TDRD5: variants seen among roughly 807,000 people sequenced by gnomAD.
The protein encoded by TDRD5 is tudor domain-containing protein 5.
A neutral mutation model predicts 120.6 loss-of-function variants in TDRD5; 41 were observed. The ratio of observed to expected loss-of-function variants is 0.34; its 90% CI spans 0.26 to 0.44. TDRD5 has a LOEUF of 0.44. Among genes scored for constraint, TDRD5 ranks in the 20% least tolerant of loss-of-function variants. The pLI, the probability that TDRD5 is intolerant of heterozygous loss-of-function variation, is 1.00. For synonymous variants in TDRD5, 430 were observed against 433.7 expected (o/e 0.99, Z 0.11); for missense variants, 1,006 against 1,221.2 (o/e 0.82, Z 2.63).
At chr1:179,657,615 C>T (rs1679071392) in intron 14 of TDRD5, among the ~76,000 whole-genome samples, 2 of 141,082 alleles carry the variant, frequency 1.4e-5, no homozygotes, top group South Asian at 2.4e-4. Flanking sequence ...ATCCTGGCCT[C>T]ATAAAATAAA....
chr1:179,594,735 A>T (rs1427690675), intron 3 of TDRD5, among the ~76,000 whole-genome samples: 1 of 152,274 alleles, frequency 6.6e-6, no homozygotes, highest in Non-Finnish European at 1.5e-5. Context: ...ACAAGTTTAT[A>T]AACCAATATT....
intron 11 of TDRD5, among the ~76,000 whole-genome samples, chr1:179,647,147 A>G (rs1295358590): frequency 2.7e-5 from 4 of 148,750 alleles, no homozygotes; most frequent in African/African-American, 7.4e-5. Context: ...CGCCAAGTCA[A>G]TCCTGAGCCA....
chr1:179,662,936 C>A (rs1251931187), intron 15 of TDRD5, among the ~76,000 whole-genome samples: 1 of 152,104 alleles, frequency 6.6e-6, no homozygotes, highest in Non-Finnish European at 1.5e-5. Flanking sequence ...TGTAATATAA[C>A]CCCTGGATTT....
intron 17 of TDRD5, among the ~76,000 whole-genome samples, chr1:179,673,043 T>G (rs761286734): frequency 4.6e-5 from 7 of 152,158 alleles, no homozygotes; most frequent in Non-Finnish European, 1.0e-4. Flanking sequence ...GTCTCCAGAT[T>G]TGTTCTTTTT....
chr1:179,646,274 T>G (rs1678358420), intron 11 of TDRD5, among the ~76,000 whole-genome samples: 1 of 152,212 alleles, frequency 6.6e-6, no homozygotes, highest in Non-Finnish European at 1.5e-5. Flanking sequence ...TTTACCCTCC[T>G]CTTCTAACCT....
intron 11 of TDRD5, among the ~76,000 whole-genome samples, chr1:179,648,721 A>G (rs1301152576): frequency 6.6e-6 from 1 of 152,000 alleles, no homozygotes; most frequent in Non-Finnish European, 1.5e-5. Flanking sequence ...AATATGCAGG[A>G]AGTCATTTTA....
intron 4 of TDRD5, among the ~76,000 whole-genome samples, chr1:179,616,522 A>T (rs1014440068): frequency 6.6e-6 from 1 of 152,210 alleles, no homozygotes; most frequent in East Asian, 1.9e-4. Context: ...TACAGTTCTG[A>T]TAATCTGTCT....
At chr1:179,601,221 A>G (rs1376674461) in intron 4 of TDRD5, among the ~76,000 whole-genome samples, 1 of 152,046 alleles carries the variant, frequency 6.6e-6, no homozygotes, top group East Asian at 1.9e-4. Flanking sequence ...CTTTTAGTTC[A>G]GTTGGTTTAT....
chr1:179,626,693 A>G (rs1487430364), intron 6 of TDRD5, among the ~76,000 whole-genome samples: 5 of 152,226 alleles, frequency 3.3e-5, no homozygotes, highest in South Asian at 2.1e-4. Flanking sequence ...TAGCAACTCT[A>G]TAGTGGTAGA....
chr1:179,609,302 T>C (rs1290993938), intron 4 of TDRD5, among the ~76,000 whole-genome samples: 3 of 152,224 alleles, frequency 2.0e-5, no homozygotes, highest in Non-Finnish European at 4.4e-5. Flanking sequence ...GAAATTCATA[T>C]ATGTTTCATA....
chr1:179,595,675 A>G lies in TDRD5; in HGVS notation c.688A>G (p.Thr230Ala), dbSNP rs964498168. The change falls in exon 4 of 18, where the codon ACA becomes GCA. Residue 230 changes from threonine (T) to alanine (A), a missense_variant. Around this residue, in one of 3 missense-constraint regions of TDRD5, gnomAD observed 445 missense variants for 515.5 expected, o/e 0.86. Transcript: ENST00000444136. Reference protein sequence around the residue: ...PFRMKQGSYSTGFPVAKPCFS... With the variant: ...PFRMKQGSYSAGFPVAKPCFS... ...TAGAATGAAACAAGGGTCATACTCC[A>G]CAGGCTTTCCGGTAGCAAAGCCATG... is the stretch of plus-strand genomic sequence containing the variant. 3.1e-6 allele frequency: 5 copies of G among 1,613,338 alleles called. No individual in the cohort carries two copies. The highest frequency in any genetic ancestry group is 4.5e-5 in the East Asian group (2 of 44,874).
At chr1:179,597,350 G>C (rs986040911) in intron 4 of TDRD5, among the ~76,000 whole-genome samples, 1 of 24,952 alleles carries the variant, frequency 4.0e-5, no homozygotes, top group Non-Finnish European at 9.0e-5. Flanking sequence ...TTTTTTTTTT[G>C]ATAGGGAGTC....
intron 17 of TDRD5, among the ~76,000 whole-genome samples, chr1:179,687,946 A>T (rs1428154099): frequency 1.5e-5 from 1 of 67,498 alleles, no homozygotes; most frequent in African/African-American, 4.3e-5. Flanking sequence ...GTCTCTGCAC[A>T]TGAGATGGGT....
intron 11 of TDRD5, among the ~76,000 whole-genome samples, chr1:179,645,808 A>C (rs893064477): frequency 1.9e-4 from 29 of 152,118 alleles, no homozygotes; most frequent in African/African-American, 6.5e-4. Context: ...TGGCAGACTG[A>C]ATGTTTTATC....
intron 5 of TDRD5, among the ~76,000 whole-genome samples, chr1:179,619,546 A>G (rs879562860): frequency 2.0e-5 from 3 of 152,004 alleles, no homozygotes; most frequent in Admixed American, 2.0e-4. Flanking sequence ...AAAAACCTTG[A>G]TGCATTCAGG....
chr1:179,647,109 T>G (rs1678418364), intron 11 of TDRD5, among the ~76,000 whole-genome samples: 1 of 149,198 alleles, frequency 6.7e-6, no homozygotes, highest in Non-Finnish European at 1.5e-5. Flanking sequence ...ACTTTAAAGT[T>G]CATATGGAAC....
intron 4 of TDRD5, among the ~76,000 whole-genome samples, chr1:179,615,726 C>T (rs1676532035): frequency 6.6e-6 from 1 of 151,956 alleles, no homozygotes; most frequent in South Asian, 2.1e-4. Context: ...AAAATCTCCA[C>T]TGCATTCAGT....
rs879312785 is a variant in TDRD5 at position 179,675,270 on chromosome 1, A to ATTTTTTTTTTT, written c.2860+5868_2860+5869insTTTTTTTTTTT. On this transcript the variant is annotated intron_variant, in intron 17 of 17. Coordinates refer to ENST00000444136, the MANE Select transcript of TDRD5 (RefSeq NM_001199085.3). ...TCAAAGAATTTTTATTATTATTATT[A>ATTTTTTTTTTT]TTATTTTTTTTTTTTTTTTTTTTTT... 8.8e-4 allele frequency among the ~76,000 whole-genome samples: 52 copies of ATTTTTTTTTTT among 59,238 alleles called. 1 individual carries two copies. Among genetic ancestry groups the ATTTTTTTTTTT allele is most frequent in the East Asian group, 2.4e-3 (5 of 2,072 alleles). 38.9% of individuals were successfully genotyped at this position (59,238 alleles called of 152,430 possible). A position where few individuals can be genotyped will look rare whatever the true frequency, so the allele number is the denominator to read the frequency against.
intron 6 of TDRD5, among the ~76,000 whole-genome samples, chr1:179,627,582 G>A (rs1677199265): frequency 6.6e-6 from 1 of 152,110 alleles, no homozygotes; most frequent in Non-Finnish European, 1.5e-5. Flanking sequence ...AATTGAGTTT[G>A]GAACATCTTG....
Sources: gnomAD v4.1 joint callset for allele counts (sites outside exome capture counted in the v4.1 genomes callset) on GRCh38, gnomAD v4.1.1 for gene constraint, gnomAD v4.1.1 regional missense constraint, MANE v1.5 for transcripts, NCBI Gene and HGNC (gene_info 2026-07-23, HGNC 2026-07-21) for gene names.